The following FRMD4B variants were observed in gnomAD, a reference collection of about 807,000 sequenced individuals.
The protein encoded by FRMD4B is FERM domain-containing protein 4B.
Under a neutral mutation model 141.5 loss-of-function variants are expected in FRMD4B, and 74 were observed. The observed-to-expected ratio is 0.52, with a 90% CI of 0.43 to 0.63. FRMD4B has a LOEUF of 0.63. Ranked by LOEUF, FRMD4B falls within the 30% of genes least tolerant of loss-of-function variation. The probability of loss-of-function intolerance (pLI) is 0.00; values close to 1 mark genes in which losing one functional copy is unlikely to be tolerated. For missense variants in FRMD4B, 1,366 were observed against 1,253.4 expected (o/e 1.09, Z -1.36); for synonymous variants, 506 against 467.9 (o/e 1.08, Z -1.05).
At position 69,463,496 on chromosome 3, in the gene FRMD4B, A is replaced by G. The variant is rs141229816; in HGVS notation, c.-128-30735T>C. On this transcript the variant is annotated intron_variant, in intron 1 of 5. Transcript: ENST00000459638. ...CATTTTCATTTAATGAGTGATATTC[A>G]AAGCAATGACCTCAGTGCATTATAG... 2.2e-3 allele frequency among the ~76,000 whole-genome samples: 330 copies of G among 152,356 alleles called. 1 individual carries two copies. The highest frequency in any genetic ancestry group is 7.8e-3 in the African/African-American group (325 of 41,584).
At chr3:69,468,930 G>T (rs1258589451) in intron 1 of FRMD4B, among the ~76,000 whole-genome samples, 1 of 152,106 alleles carries the variant, frequency 6.6e-6, no homozygotes, top group Non-Finnish European at 1.5e-5. Flanking sequence ...ACAGACCTAT[G>T]GCCTGTATAG....
chr3:69,277,646 C>T (rs895361200), intron 5 of FRMD4B, among the ~76,000 whole-genome samples: 4 of 151,148 alleles, frequency 2.6e-5, no homozygotes, highest in Non-Finnish European at 5.9e-5. Context: ...CTGCCTCAGC[C>T]TCCCCGTCCC....
chr3:69,461,094 C>A (rs1276329024), intron 1 of FRMD4B, among the ~76,000 whole-genome samples: 1 of 152,172 alleles, frequency 6.6e-6, no homozygotes, highest in Non-Finnish European at 1.5e-5. Flanking sequence ...ATAGTTCTTT[C>A]AATTGTGTTT....
At position 69,476,035 on chromosome 3, in the gene FRMD4B, C is replaced by A. The variant is rs1489327241; in HGVS notation, c.-128-43274G>T. Among the ~76,000 whole-genome samples, 4 of 151,492 alleles carry A rather than the reference C, an allele frequency of 2.6e-5. No homozygotes were observed. The East Asian group carries it at 7.7e-4, about 29-fold the overall frequency. ...GAGAACTGTCTGTTCATGTCCTTCA[C>A]CCACTTTTTGATGGGGTTGTTTTTT... On this transcript the variant is annotated intron_variant, in intron 1 of 5. Coordinates refer to the FRMD4B transcript ENST00000459638.
chr3:69,259,703 T>C (rs938780114), intron 5 of FRMD4B, among the ~76,000 whole-genome samples: 1 of 152,240 alleles, frequency 6.6e-6, no homozygotes, highest in African/African-American at 2.4e-5. Context: ...GACATCCTCT[T>C]ATTTTCAAAG....
At chr3:69,423,448 TAC>T (rs765356974) in intron 2 of FRMD4B, among the ~76,000 whole-genome samples, 12 of 152,202 alleles carry the variant, frequency 7.9e-5, no homozygotes, top group Non-Finnish European at 1.8e-4. Context: ...TCATGTTAGG[TAC>T]ACACGTCCCT....
chr3:69,316,081 A>G (rs1043849644), intron 1 of FRMD4B, among the ~76,000 whole-genome samples: 1 of 152,214 alleles, frequency 6.6e-6, no homozygotes, highest in Non-Finnish European at 1.5e-5. Context: ...TGTGAAAAAT[A>G]CTAATTATTG....
chr3:69,306,488 G>A (rs1701395840), intron 3 of FRMD4B: 1 of 152,212 alleles, frequency 6.6e-6, no homozygotes, highest in Non-Finnish European at 1.5e-5. Flanking sequence ...AGTGAAATGG[G>A]TGAAGAGATG....
chr3:69,300,705 A>G (rs1400624303), intron 4 of FRMD4B, among the ~76,000 whole-genome samples: 5 of 152,212 alleles, frequency 3.3e-5, no homozygotes, highest in Non-Finnish European at 7.3e-5. Context: ...TGAAAGTGCA[A>G]GGATGTTAGG....
intron 2 of FRMD4B, among the ~76,000 whole-genome samples, chr3:69,420,828 G>A (rs995869526): frequency 1.3e-5 from 2 of 152,176 alleles, no homozygotes; most frequent in African/African-American, 4.8e-5. Context: ...AAAGAAAGGT[G>A]GATCCAAAAG....
At chr3:69,205,170 C>CT (rs377199910) in intron 11 of FRMD4B, among the ~76,000 whole-genome samples, 1,539 of 146,708 alleles carry the variant, frequency 0.01, 28 homozygotes, top group African/African-American at 0.036. Context: ...AGTCCCCCCC[C>CT]TTTTTTTTTT....
chr3:69,321,496 T>C (rs1179937296), intron 1 of FRMD4B, among the ~76,000 whole-genome samples: 2 of 152,120 alleles, frequency 1.3e-5, no homozygotes, highest in Non-Finnish European at 2.9e-5. Flanking sequence ...TCTGGAAGGG[T>C]GAAAACCCAG....
intron 1 of FRMD4B, among the ~76,000 whole-genome samples, chr3:69,338,977 GA>G (rs1398867988): frequency 6.6e-6 from 1 of 152,090 alleles, no homozygotes; most frequent in Non-Finnish European, 1.5e-5. Flanking sequence ...AGTTCTCCCA[GA>G]ATCCTCATGG....
rs111268187 is a variant in FRMD4B, at chr3:69,231,707, A to T, written c.582-7017T>A. On this transcript the variant is annotated intron_variant, in intron 7 of 22. Transcript: ENST00000398540. ...TGGCCAGTTGAGTGGATGTGGGGAA[A>T]GCCGAAGTTCAAGATCACTGCCCTG... is the stretch of plus-strand genomic sequence containing the variant. 2.7e-3 allele frequency among the ~76,000 whole-genome samples: 405 copies of T among 152,376 alleles called. 3 individuals are homozygous for T. Among genetic ancestry groups the T allele is most frequent in the African/African-American group, 9.3e-3 (388 of 41,592 alleles).
intron 1 of FRMD4B, among the ~76,000 whole-genome samples, chr3:69,500,277 C>G (rs559504456): frequency 1.3e-5 from 2 of 152,146 alleles, no homozygotes; most frequent in African/African-American, 2.4e-5. Flanking sequence ...GAACTCTCAT[C>G]GGGACTTATG....
chr3:69,405,139 T>C (rs1160649176), intron 2 of FRMD4B, among the ~76,000 whole-genome samples: 1 of 152,220 alleles, frequency 6.6e-6, no homozygotes, highest in Non-Finnish European at 1.5e-5. Flanking sequence ...ACCTTGTAGA[T>C]GCCAAGAATG....
At chr3:69,215,469 T>C (rs2093131883) in intron 11 of FRMD4B, among the ~76,000 whole-genome samples, 1 of 150,934 alleles carries the variant, frequency 6.6e-6, no homozygotes, top group Admixed American at 6.6e-5. Context: ...ATTTTTGTAT[T>C]TTTAGTAGAG....
At chr3:69,457,258 A>G (rs977325417) in intron 1 of FRMD4B, among the ~76,000 whole-genome samples, 3 of 152,214 alleles carry the variant, frequency 2.0e-5, no homozygotes, top group Non-Finnish European at 2.9e-5. Context: ...TATTTTTGTA[A>G]TGTCTGGATA....
At chr3:69,196,849 C>G (rs749910969) in intron 13 of FRMD4B, 51 bp downstream of exon 13, 9 of 1,420,750 alleles carry the variant, frequency 6.3e-6, no homozygotes, top group Middle Eastern at 1.8e-4. Context: ...ATCTTCTGAA[C>G]AGAATGCAAA....
Sources: allele counts gnomAD v4.1 joint callset (sites outside exome capture counted in the v4.1 genomes callset), GRCh38; gene constraint gnomAD v4.1.1; transcripts MANE v1.5; gene names NCBI Gene and HGNC (gene_info 2026-07-23, HGNC 2026-07-21).